CCDC148: variants seen among roughly 807,000 people sequenced by gnomAD.
CCDC148 encodes coiled-coil domain containing 148.
Under a neutral mutation model 85.7 loss-of-function variants are expected in CCDC148, and 89 were observed. That is an observed-to-expected ratio of 1.04 (90% CI 0.87 to 1.24). CCDC148 has a LOEUF of 1.24. CCDC148 is among the 50% of genes most tolerant of loss of function. The probability of loss-of-function intolerance (pLI) is 0.00; values close to 1 mark genes in which losing one functional copy is unlikely to be tolerated. For missense variants in CCDC148, 692 were observed against 671.7 expected (o/e 1.03, Z -0.33); for synonymous variants, 230 against 213.9 (o/e 1.08, Z -0.66).
chr2:158,373,423 T>C (rs1684530870), intron 1 of CCDC148, among the ~76,000 whole-genome samples: 1 of 152,038 alleles, frequency 6.6e-6, no homozygotes, highest in South Asian at 2.1e-4. Flanking sequence ...GATATGCTCT[T>C]TGATATCTCT....
intron 1 of CCDC148, among the ~76,000 whole-genome samples, chr2:158,365,855 A>G (rs1325240605): frequency 1.3e-5 from 2 of 152,206 alleles, no homozygotes; most frequent in East Asian, 1.9e-4. Context: ...GAGGATTAAC[A>G]CAAACCCATT....
chr2:158,294,001 C>A (rs1691035377), intron 9 of CCDC148, among the ~76,000 whole-genome samples: 2 of 35,864 alleles, frequency 5.6e-5, no homozygotes, highest in African/African-American at 2.0e-4. Flanking sequence ...TCCCTCCCTC[C>A]CTCCTTCCTT....
intron 9 of CCDC148, among the ~76,000 whole-genome samples, chr2:158,257,047 G>A (rs190693182): frequency 4.0e-5 from 6 of 151,526 alleles, no homozygotes; most frequent in East Asian, 1.9e-4. Context: ...TAGATTGACA[G>A]TATTTTCTCT....
intron 1 of CCDC148, chr2:158,425,179 A>G (rs1426764082): frequency 1.9e-6 from 1 of 527,052 alleles, no homozygotes; most frequent in African/African-American, 1.9e-5. Flanking sequence ...AGATATGATC[A>G]TGCTGGGTAT....
intron 10 of CCDC148, among the ~76,000 whole-genome samples, chr2:158,235,458 A>G (rs67773014): frequency 0.3 from 44,909 of 152,140 alleles, 8,331 homozygotes; most frequent in East Asian, 0.59. Flanking sequence ...TCTCATAAGA[A>G]GATTGACTTA....
intron 1 of CCDC148, among the ~76,000 whole-genome samples, chr2:158,361,337 T>G (rs183656577): frequency 6.6e-6 from 1 of 152,042 alleles, no homozygotes; most frequent in Admixed American, 6.5e-5. Context: ...CCACAAAGAT[T>G]TTGCTTGAGA....
intron 1 of CCDC148, among the ~76,000 whole-genome samples, chr2:158,434,471 T>A (rs565979750): frequency 5.3e-5 from 8 of 152,124 alleles, no homozygotes; most frequent in Non-Finnish European, 1.0e-4. Context: ...ACCAACTGTA[T>A]GTCACCATCA....
At chr2:158,405,591 A>G (rs193205407) in intron 1 of CCDC148, among the ~76,000 whole-genome samples, 47 of 152,322 alleles carry the variant, frequency 3.1e-4, no homozygotes, top group African/African-American at 1.0e-3. Context: ...AATATTGAAA[A>G]TAAGTGTAAA....
chr2:158,380,147 C>T (rs1290121605), intron 1 of CCDC148, among the ~76,000 whole-genome samples: 1 of 151,974 alleles, frequency 6.6e-6, no homozygotes, highest in African/African-American at 2.4e-5. Flanking sequence ...AGAGATTTAT[C>T]CCAAGAAAAC....
chr2:158,320,185 C>T (rs1692459223), intron 7 of CCDC148, among the ~76,000 whole-genome samples: 1 of 152,154 alleles, frequency 6.6e-6, no homozygotes, highest in South Asian at 2.1e-4. Flanking sequence ...ATCATAAGGT[C>T]TTCTGAAATT....
chr2:158,189,021 A>T (rs1308859618), intron 11 of CCDC148, among the ~76,000 whole-genome samples: 2 of 152,044 alleles, frequency 1.3e-5, no homozygotes, highest in African/African-American at 2.4e-5. Flanking sequence ...AGAGATGCAA[A>T]ACAAAACCAC....
Position 158,433,091 on chromosome 2 carries a change from A to AATATATATAT in CCDC148, c.25+23314_25+23323dup, listed in dbSNP as rs1553521584. Among the ~76,000 whole-genome samples the AATATATATAT allele has an allele frequency of 2.1e-3, 110 of 51,324 alleles. 3 individuals are homozygous for AATATATATAT. The highest frequency in any genetic ancestry group is 0.013 in the South Asian group (13 of 990). 33.7% of individuals were successfully genotyped at this position (51,324 alleles called of 152,430 possible). A position where few individuals can be genotyped will look rare whatever the true frequency, so the allele number is the denominator to read the frequency against. ...CATCTCTACAAAAAAAAAAAAAAAA[A>AATATATATAT]ATATATATATATATATATATGACTT... On this transcript the variant is annotated intron_variant, in intron 1 of 13. Transcript: ENST00000283233.
chr2:158,320,649 T>C (rs1312015224), intron 7 of CCDC148, among the ~76,000 whole-genome samples: 3 of 152,218 alleles, frequency 2.0e-5, no homozygotes, highest in African/African-American at 7.2e-5. Flanking sequence ...TATTATCCAA[T>C]AACAAATGTC....
chr2:158,257,895 A>G (rs1689073254), intron 9 of CCDC148, among the ~76,000 whole-genome samples: 2 of 151,904 alleles, frequency 1.3e-5, no homozygotes, highest in Non-Finnish European at 1.5e-5. Context: ...ACTTTTTCTG[A>G]AAGGATAAAA....
At chr2:158,367,187 A>T (rs534383685) in intron 1 of CCDC148, among the ~76,000 whole-genome samples, 1 of 152,328 alleles carries the variant, frequency 6.6e-6, no homozygotes, top group African/African-American at 2.4e-5. Context: ...ACTGAAGAGC[A>T]TTCCACACCC....
At chr2:158,325,070 C>T (rs1236764996) in intron 7 of CCDC148, among the ~76,000 whole-genome samples, 1 of 145,624 alleles carries the variant, frequency 6.9e-6, no homozygotes, top group East Asian at 2.1e-4. Flanking sequence ...ATCAAACACA[C>T]TGCTACGTCT....
chr2:158,244,290 T>C (rs879458661), intron 10 of CCDC148, among the ~76,000 whole-genome samples: 18 of 152,154 alleles, frequency 1.2e-4, no homozygotes, highest in Non-Finnish European at 2.5e-4. Flanking sequence ...GTATAAAAAT[T>C]GCCTCAAATT....
chr2:158,400,664 TA>T (rs1685739210), intron 1 of CCDC148, among the ~76,000 whole-genome samples: 1 of 152,114 alleles, frequency 6.6e-6, no homozygotes. Flanking sequence ...ACTTCATGAC[TA>T]AAACACCAAA....
chr2:158,398,631 G>A (rs1385963571), intron 1 of CCDC148, among the ~76,000 whole-genome samples: 1 of 152,042 alleles, frequency 6.6e-6, no homozygotes, highest in African/African-American at 2.4e-5. Flanking sequence ...TAAAGCAGTG[G>A]GTAGAGGGAT....
Sources: gnomAD v4.1 joint callset for allele counts (sites outside exome capture counted in the v4.1 genomes callset) on GRCh38, gnomAD v4.1.1 for gene constraint, MANE v1.5 for transcripts, NCBI Gene and HGNC (gene_info 2026-07-23, HGNC 2026-07-21) for gene names.